The following CHFR variants were observed in gnomAD, a reference collection of about 807,000 sequenced individuals.
CHFR encodes the protein checkpoint with forkhead and ring finger domains, also known as E3 ubiquitin-protein ligase CHFR.
A neutral mutation model predicts 87.6 loss-of-function variants in CHFR; 57 were observed. The ratio of observed to expected loss-of-function variants is 0.65; its 90% CI spans 0.53 to 0.81. The LOEUF is 0.81. CHFR is among the 30% of genes least tolerant of loss of function. The pLI, the probability that CHFR is intolerant of heterozygous loss-of-function variation, is 0.00. For missense variants in CHFR, 797 were observed against 865.8 expected (o/e 0.92, Z 1.00); for synonymous variants, 381 against 359.2 (o/e 1.06, Z -0.69).
At position 132,848,630 on chromosome 12, in the gene CHFR, G is replaced by A. The variant is rs746118089; in HGVS notation, c.1576+11C>T. ...GGTCAAAGCAACTGGGGCCTGAAGA[G>A]CCAGTATTACCACAAAACGGGGCCA... is the stretch of plus-strand genomic sequence containing the variant. On this transcript the variant is annotated intron_variant, in intron 13 of 17. Coordinates refer to ENST00000450056, the MANE Select transcript of CHFR (RefSeq NM_001161346.2). The A allele has an allele frequency of 6.3e-6, 10 of 1,582,072 alleles. No individual in the cohort carries two copies.
intron 7 of CHFR, among the ~76,000 whole-genome samples, chr12:132,861,044 T>C (rs1262061980): frequency 1.3e-5 from 2 of 152,058 alleles, no homozygotes; most frequent in Non-Finnish European, 2.9e-5. Context: ...GGAGCCACGG[T>C]GTCAGGCTTG....
intron 6 of CHFR, among the ~76,000 whole-genome samples, chr12:132,869,079 G>C (rs534546612): frequency 3.7e-5 from 2 of 54,532 alleles, no homozygotes; most frequent in African/African-American, 9.5e-5. Context: ...GTGACTGCTG[G>C]TGGGGCCGAG....
chr12:132,880,529 G>A (rs1006258594), intron 2 of CHFR, among the ~76,000 whole-genome samples: 6 of 152,090 alleles, frequency 3.9e-5, no homozygotes, highest in African/African-American at 1.4e-4. Flanking sequence ...GTGATGGCGG[G>A]CGCCTGTAGT....
At chr12:132,853,594 G>C in intron 10 of CHFR, 21 bp from the exon 11 acceptor site, 2 of 1,519,906 alleles carry the variant, frequency 1.3e-6, no homozygotes, top group Non-Finnish European at 1.8e-6. Context: ...GCACAGGGCC[G>C]AGCTGTGTGC....
intron 12 of CHFR, among the ~76,000 whole-genome samples, chr12:132,850,961 G>A (rs1950927465): frequency 2.0e-5 from 2 of 102,450 alleles, no homozygotes; most frequent in South Asian, 6.7e-4. Context: ...CTGTATGTGT[G>A]TGCATATATA....
At chr12:132,884,881 G>C (rs1951851258) in intron 2 of CHFR, among the ~76,000 whole-genome samples, 2 of 152,070 alleles carry the variant, frequency 1.3e-5, no homozygotes, top group Admixed American at 6.6e-5. Flanking sequence ...GAGCTCAGGA[G>C]TTCGAGACCA....
intron 13 of CHFR, 70 bp downstream of exon 13, chr12:132,848,571 C>A (rs896349519): frequency 5.8e-5 from 69 of 1,199,620 alleles, no homozygotes; most frequent in South Asian, 1.2e-4. Context: ...CCCCACCATC[C>A]CCTGCCCTCA....
intron 2 of CHFR, among the ~76,000 whole-genome samples, 171 bp from the exon 3 acceptor site, chr12:132,877,825 C>G (rs1049381129): frequency 6.6e-6 from 1 of 150,614 alleles, no homozygotes; most frequent in African/African-American, 2.5e-5. Context: ...TTTCTTGAGA[C>G]GGAGTCTCGC....
intron 9 of CHFR, 194 bp from the exon 10 acceptor site, chr12:132,856,824 C>A: frequency 1.4e-6 from 1 of 697,918 alleles, no homozygotes. Context: ...CTCACGTGCC[C>A]GGGTGCTGGT....
In CHFR at chr12:132,872,342, G is replaced by C. The variant is rs1220821081; in HGVS notation, c.286C>G (p.Pro96Ala). 1.9e-6 allele frequency: 3 copies of C among 1,613,350 alleles called. No individual in the cohort carries two copies. The Admixed American group carries it at 5.0e-5, about 27-fold the overall frequency. Reference protein sequence around the residue: ...KLKVVKKQTCPLQTGDVIYLV... With the variant: ...KLKVVKKQTCALQTGDVIYLV... Reference sequence around the variant, plus strand: ...TAGATGACATCCCCAGTCTGTAAAGGGCATGTCTGCTTCTTAACAACCTTC... The same window carrying C: ...TAGATGACATCCCCAGTCTGTAAAGCGCATGTCTGCTTCTTAACAACCTTC... Residue 96 changes from proline (P) to alanine (A), a missense_variant, in exon 4 of 18, where the codon CCT becomes GCT. Coordinates refer to ENST00000450056, the MANE Select transcript of CHFR (RefSeq NM_001161346.2).
At chr12:132,859,992 C>G (rs1951178944) in intron 7 of CHFR, among the ~76,000 whole-genome samples, 1 of 152,134 alleles carries the variant, frequency 6.6e-6, no homozygotes, top group South Asian at 2.1e-4. Flanking sequence ...CTGCAGTGAG[C>G]CAAGACTGCA....
Position 132,877,641 on chromosome 12 carries a change from G to T in CHFR, c.147C>A (p.Ser49=). 4 of 1,612,670 alleles carry T rather than the reference G, an allele frequency of 2.5e-6. No homozygotes were observed. Among genetic ancestry groups the T allele is most frequent in the Middle Eastern group, 1.7e-4 (1 of 6,056 alleles). The change falls in exon 3 of 18, where the codon TCC becomes TCA. Residue 49 remains serine (S), a synonymous_variant. Transcript: ENST00000450056. ...TIGRRRGCDL[S]FPSNKLVSGD... ...CAGAGACCAGTTTATTGCTGGGGAA[G>T]GAAAGGTCGCAACCTAAAAAAGAGA...
chr12:132,833,513 G>A lies in CHFR; in HGVS notation c.*8041C>T, dbSNP rs1381034964. On this transcript the variant is annotated 3_prime_UTR_variant, in exon 18 of 18. Coordinates refer to ENST00000450056, the MANE Select transcript of CHFR (RefSeq NM_001161346.2). ...GAGGGAGGACTTCTCAGGAGAATGT[G>A]AGCCAACAAGTAAGAAACGGAGTTG... is the stretch of plus-strand genomic sequence containing the variant. The A allele has an allele frequency of 1.3e-5, 2 of 152,290 alleles. No individual in the cohort carries two copies. Among genetic ancestry groups the A allele is most frequent in the Non-Finnish European group, 2.9e-5 (2 of 68,064 alleles). The allele number at this position is 152,290 out of a possible 1,614,324, so 9.4% of individuals were successfully genotyped here.
At chr12:132,847,166 C>A in intron 14 of CHFR, 36 bp from the exon 15 acceptor site, 1 of 1,610,252 alleles carries the variant, frequency 6.2e-7, no homozygotes, top group South Asian at 1.1e-5. Context: ...AAGAAATACT[C>A]GTTTAGAGGA....
At chr12:132,842,320 T>C (rs780860591) in intron 17 of CHFR, among the ~76,000 whole-genome samples, 2 of 152,218 alleles carry the variant, frequency 1.3e-5, no homozygotes, top group Non-Finnish European at 2.9e-5. Context: ...GAAAACTGTC[T>C]GCCAGTCAAC....
chr12:132,870,178 C>T (rs1461670104), intron 5 of CHFR, among the ~76,000 whole-genome samples: 1 of 151,982 alleles, frequency 6.6e-6, no homozygotes, highest in Non-Finnish European at 1.5e-5. Context: ...CGGTGAAACC[C>T]CATCTCTACT....
intron 7 of CHFR, among the ~76,000 whole-genome samples, chr12:132,860,797 G>A (rs560437092): frequency 3.3e-5 from 5 of 152,222 alleles, no homozygotes; most frequent in Admixed American, 6.5e-5. Flanking sequence ...TTGTTGCCCC[G>A]GCTGCAGTGC....
chr12:132,851,134 G>A (rs994437320), intron 12 of CHFR, among the ~76,000 whole-genome samples: 12 of 151,988 alleles, frequency 7.9e-5, no homozygotes, highest in Non-Finnish European at 2.9e-5. Context: ...GGGATTACAG[G>A]TGTACACCAT....
intron 14 of CHFR, chr12:132,847,611 T>C (rs1455664413): frequency 6.6e-6 from 7 of 1,065,316 alleles, no homozygotes; most frequent in African/African-American, 5.0e-5. Flanking sequence ...GCCCCACCAT[T>C]GTGTGTGCTG....
Sources: gnomAD v4.1 joint callset for allele counts (sites outside exome capture counted in the v4.1 genomes callset) on GRCh38, gnomAD v4.1.1 for gene constraint, MANE v1.5 for transcripts, NCBI Gene and HGNC (gene_info 2026-07-23, HGNC 2026-07-21) for gene names.